The following GLCE variants were observed in gnomAD, a reference collection of about 807,000 sequenced individuals.
GLCE encodes the protein D-glucuronyl C5-epimerase.
Under a neutral mutation model 47.9 loss-of-function variants are expected in GLCE, and 19 were observed. The observed-to-expected ratio is 0.40, with a 90% CI of 0.28 to 0.58. The LOEUF is 0.58. Ranked by LOEUF, GLCE falls within the 20% of genes least tolerant of loss-of-function variation. The pLI, the probability that GLCE is intolerant of heterozygous loss-of-function variation, is 0.48. For missense variants in GLCE, 556 were observed against 743.3 expected, an observed-to-expected ratio of 0.75 and a Z score of 2.93; for synonymous variants, 245 against 263.4, an observed-to-expected ratio of 0.93 and a Z score of 0.68.
intron 3 of GLCE, 76 bp downstream of exon 3, chr15:69,256,468 C>A: frequency 1.1e-6 from 1 of 942,352 alleles, no homozygotes; most frequent in Non-Finnish European, 1.6e-6. Context: ...GTTAATTATA[C>A]ATCAAGTACA....
At chr15:69,175,239 T>C (rs2051645076) in intron 1 of GLCE, among the ~76,000 whole-genome samples, 1 of 152,084 alleles carries the variant, frequency 6.6e-6, no homozygotes, top group Non-Finnish European at 1.5e-5. Flanking sequence ...AAATGAAAAA[T>C]AAGAAAAAGA....
At chr15:69,194,341 C>G (rs953298384) in intron 1 of GLCE, 1 of 152,134 alleles carries the variant, frequency 6.6e-6, no homozygotes, top group Non-Finnish European at 1.5e-5. Context: ...AAAATGTACT[C>G]TCTTTGAGGT....
Position 69,265,569 on chromosome 15 carries a change from T to A in GLCE, c.830-2651T>A, listed in dbSNP as rs991255500. Among the ~76,000 whole-genome samples, 12 of 152,320 alleles carry A rather than the reference T, an allele frequency of 7.9e-5. No individual in the cohort carries two copies. The East Asian group carries it at 2.3e-3, about 29-fold the overall frequency. On this transcript the variant is annotated intron_variant, in intron 4 of 4. Transcript: ENST00000261858. ...GTAACACCCTCTGCTGGTGTTAAGGTCTTAGGAAAATTAATACATTGGCTT... is the reference window on the plus strand; with the variant it reads ...GTAACACCCTCTGCTGGTGTTAAGGACTTAGGAAAATTAATACATTGGCTT...
intron 1 of GLCE, among the ~76,000 whole-genome samples, chr15:69,182,729 C>T (rs1423402554): frequency 6.6e-6 from 1 of 151,880 alleles, no homozygotes; most frequent in Non-Finnish European, 1.5e-5. Flanking sequence ...AATGGTATTT[C>T]GAGGCTGGGC....
At chr15:69,228,880 GT>G (rs1428166118) in intron 2 of GLCE, among the ~76,000 whole-genome samples, 1 of 152,114 alleles carries the variant, frequency 6.6e-6, no homozygotes, top group East Asian at 1.9e-4. Flanking sequence ...TAGAGACAGA[GT>G]TTTGCCATGT....
At chr15:69,161,038 G>T (rs896319440) in intron 1 of GLCE, among the ~76,000 whole-genome samples, 1 of 152,060 alleles carries the variant, frequency 6.6e-6, no homozygotes, top group South Asian at 2.1e-4. Context: ...TGGGGTAGGG[G>T]TGGGTGGCGG....
rs1243940755 is a variant in GLCE, at chr15:69,269,860, A to G, written c.*616A>G. 1 of 152,688 alleles carries G rather than the reference A, an allele frequency of 6.5e-6. No homozygotes were observed. The highest frequency in any genetic ancestry group is 6.5e-5 in the Admixed American group (1 of 15,282). 9.5% of individuals were successfully genotyped at this position (152,688 alleles called of 1,614,324 possible). On this transcript the variant is annotated 3_prime_UTR_variant, in exon 5 of 5. Coordinates refer to ENST00000261858, the MANE Select transcript of GLCE (RefSeq NM_015554.3). ...AAACGTGTAAATTAAAAACACAATC[A>G]GTGTTCAGGCTTCAGTTATATAATG...
In GLCE at chr15:69,269,152, C is replaced by T. The variant is rs2053128725; in HGVS notation, c.1762C>T (p.Leu588=). Residue 588 remains leucine (L), a synonymous_variant, in exon 5 of 5, where the codon CTA becomes TTA. Transcript: ENST00000261858. Reference sequence around the variant, plus strand: ...TACCACCCACATCAATCAGTTGCAGCTACTCAGTACCATTGATGAGTCCCC... The same window carrying T: ...TACCACCCACATCAATCAGTTGCAGTTACTCAGTACCATTGATGAGTCCCC... ...YHTTHINQLQ[L]LSTIDESPVF... The T allele has an allele frequency of 6.2e-7, 1 of 1,613,498 alleles. No individual in the cohort carries two copies. Among genetic ancestry groups the T allele is most frequent in the East Asian group, 2.2e-5 (1 of 44,868 alleles).
chr15:69,201,070 C>T (rs1012917012), intron 1 of GLCE, among the ~76,000 whole-genome samples: 3 of 152,098 alleles, frequency 2.0e-5, no homozygotes, highest in Non-Finnish European at 4.4e-5. Context: ...CCAGTATTTC[C>T]TTCTCCTTTG....
intron 4 of GLCE, among the ~76,000 whole-genome samples, chr15:69,266,305 TATC>T (rs1408937192): frequency 1.3e-5 from 2 of 152,070 alleles, no homozygotes; most frequent in African/African-American, 2.4e-5. Flanking sequence ...AAGTATACAC[TATC>T]ATCAGTTCAC....
intron 2 of GLCE, among the ~76,000 whole-genome samples, chr15:69,250,544 G>A (rs1290769361): frequency 6.6e-6 from 1 of 151,476 alleles, no homozygotes; most frequent in Non-Finnish European, 1.5e-5. Flanking sequence ...ATCTCGCTGT[G>A]TTGCCCAGGC....
At chr15:69,267,634 A>G (rs1243522746) in intron 4 of GLCE, among the ~76,000 whole-genome samples, 1 of 152,212 alleles carries the variant, frequency 6.6e-6, no homozygotes, top group Non-Finnish European at 1.5e-5. Context: ...ACCTTGGGCA[A>G]GTTACTTCTT....
At chr15:69,209,363 T>C (rs1422871215) in intron 1 of GLCE, among the ~76,000 whole-genome samples, 3 of 152,144 alleles carry the variant, frequency 2.0e-5, no homozygotes, top group Admixed American at 1.3e-4. Flanking sequence ...TTAGGAGACG[T>C]TGGGTCTTGT....
intron 1 of GLCE, among the ~76,000 whole-genome samples, chr15:69,188,804 T>A (rs1490245362): frequency 6.6e-6 from 1 of 152,204 alleles, no homozygotes; most frequent in African/African-American, 2.4e-5. Context: ...CCTCCATTAG[T>A]CTGGCTAGTG....
chr15:69,182,269 T>TTGTGTGTGTGTG (rs34135980), intron 1 of GLCE, among the ~76,000 whole-genome samples: 1 of 144,826 alleles, frequency 6.9e-6, no homozygotes, highest in African/African-American at 2.6e-5. Context: ...CATCGTGTAT[T>TTGTGTGTGTGTG]TGTGTGTGTG....
chr15:69,177,644 A>G (rs1468168640), intron 1 of GLCE, among the ~76,000 whole-genome samples: 1 of 151,540 alleles, frequency 6.6e-6, no homozygotes, highest in African/African-American at 2.4e-5. Context: ...CCCCTTTATT[A>G]TCTTTACCTC....
At chr15:69,227,660 G>A (rs549864343) in intron 2 of GLCE, among the ~76,000 whole-genome samples, 69 of 152,246 alleles carry the variant, frequency 4.5e-4, no homozygotes, top group African/African-American at 1.5e-3. Flanking sequence ...GCAAACTTGG[G>A]CATATATGCT....
At chr15:69,209,921 G>T (rs1456238088) in intron 1 of GLCE, among the ~76,000 whole-genome samples, 8 of 152,018 alleles carry the variant, frequency 5.3e-5, no homozygotes, top group Non-Finnish European at 8.8e-5. Flanking sequence ...CATTGCCACT[G>T]CTGCCACAGC....
chr15:69,182,244 A>C (rs2051758842), intron 1 of GLCE, among the ~76,000 whole-genome samples: 2 of 151,386 alleles, frequency 1.3e-5, no homozygotes, highest in Non-Finnish European at 2.9e-5. Context: ...TTTAAAGAGA[A>C]ACCAATTTAT....
Sources: gnomAD v4.1 joint callset for allele counts (sites outside exome capture counted in the v4.1 genomes callset) on GRCh38, gnomAD v4.1.1 for gene constraint, MANE v1.5 for transcripts, NCBI Gene and HGNC (gene_info 2026-07-23, HGNC 2026-07-21) for gene names.